Variants in DIAPH2 observed in about 807,000 individuals in gnomAD.
DIAPH2 encodes diaphanous related formin 2.
In DIAPH2, 35 loss-of-function variants were observed where a neutral mutation model predicts 92.7. The observed-to-expected ratio is 0.38, with a 90% CI of 0.29 to 0.50. The LOEUF is 0.50. Among genes scored for constraint, DIAPH2 ranks in the 20% least tolerant of loss-of-function variants. The pLI, the probability that DIAPH2 is intolerant of heterozygous loss-of-function variation, is 0.94. For missense variants in DIAPH2, 701 were observed against 819.5 expected, an observed-to-expected ratio of 0.86 and a Z score of 1.77; for synonymous variants, 301 against 280.4, an observed-to-expected ratio of 1.07 and a Z score of -0.73.
Position 97,012,202 on chromosome X carries a change from C to G in DIAPH2, c.2050+46995C>G, listed in dbSNP as rs139921018. Among the ~76,000 whole-genome samples the G allele has an allele frequency of 1.6e-3, 175 of 111,942 alleles. 1 individual carries two copies. Among genetic ancestry groups the G allele is most frequent in the African/African-American group, 5.5e-3 (169 of 30,771 alleles). On this transcript the variant is annotated intron_variant, in intron 17 of 26. Coordinates refer to ENST00000324765, the MANE Select transcript of DIAPH2 (RefSeq NM_006729.5). ...CTTTATAGGACATACAATCGTAGTGCTGAACAAAATAGTTCCTGAGGTGAA... is the reference window on the plus strand; with the variant it reads ...CTTTATAGGACATACAATCGTAGTGGTGAACAAAATAGTTCCTGAGGTGAA...
chrX:97,362,266 C>T (rs996923386), intron 24 of DIAPH2, among the ~76,000 whole-genome samples: 1 of 109,300 alleles, frequency 9.1e-6, no homozygotes, highest in Non-Finnish European at 1.9e-5. Context: ...AAAAAAAAGA[C>T]TGGCATTGCA....
At chrX:97,494,159 A>G (rs1361902241) in intron 26 of DIAPH2, among the ~76,000 whole-genome samples, 3 of 106,368 alleles carry the variant, frequency 2.8e-5, no homozygotes, top group South Asian at 4.3e-4. Flanking sequence ...ACACACACAC[A>G]CACAGAAAAA....
intron 17 of DIAPH2, among the ~76,000 whole-genome samples, chrX:97,032,466 A>G (rs1001415712): frequency 1.8e-5 from 2 of 110,366 alleles, no homozygotes; most frequent in Admixed American, 9.7e-5. Context: ...TGGAATTTTG[A>G]GTGTTGGTTA....
chrX:97,100,969 G>T (rs1184018384), intron 20 of DIAPH2, among the ~76,000 whole-genome samples: 1 of 111,910 alleles, frequency 8.9e-6, no homozygotes, highest in East Asian at 2.8e-4. Flanking sequence ...ATGTATGTTT[G>T]GGATCAGATA....
At chrX:96,899,076 G>A (rs181726654) in intron 5 of DIAPH2, among the ~76,000 whole-genome samples, 16 of 110,650 alleles carry the variant, frequency 1.4e-4, no homozygotes, top group East Asian at 2.8e-4. Context: ...GTTCTGTTCC[G>A]TTGATCTATA....
In DIAPH2 at chrX:97,570,135, TAGATAG is replaced by T. The variant is rs1325159735; in HGVS notation, c.3242-29116_3242-29111del. Reference sequence around the variant, plus strand: ...ATATATATATATATTAGAAGATAGATAGATAGATAGATAGATAGATAGATAGATATA... The same window carrying T: ...ATATATATATATATTAGAAGATAGATATAGATAGATAGATAGATAGATATA... On this transcript the variant is annotated intron_variant, in intron 26 of 26. Coordinates refer to ENST00000324765, the MANE Select transcript of DIAPH2 (RefSeq NM_006729.5). Among the ~76,000 whole-genome samples the T allele has an allele frequency of 3.8e-4, 27 of 71,865 alleles. 1 individual carries two copies. Among genetic ancestry groups the T allele is most frequent in the Non-Finnish European group, 6.1e-4 (24 of 39,145 alleles). The allele number at this position is 71,865 out of a possible 115,157, so 62.4% of individuals were successfully genotyped here.
intron 17 of DIAPH2, among the ~76,000 whole-genome samples, chrX:97,057,807 G>T (rs1445643430): frequency 9.0e-6 from 1 of 111,644 alleles, no homozygotes; most frequent in Non-Finnish European, 1.9e-5. Flanking sequence ...GACTCAGATA[G>T]ATGGAGTTGT....
intron 23 of DIAPH2, among the ~76,000 whole-genome samples, chrX:97,288,633 T>C (rs1037169382): frequency 1.9e-5 from 2 of 107,285 alleles, no homozygotes; most frequent in Non-Finnish European, 3.8e-5. Context: ...CTCAGCTACT[T>C]GGGAGGCTGA....
intron 3 of DIAPH2, among the ~76,000 whole-genome samples, chrX:96,755,634 C>T (rs1313103543): frequency 3.7e-5 from 4 of 109,524 alleles, no homozygotes. Context: ...GCCTGGGCGA[C>T]AGAGGGAAAC....
rs756805485 is a variant in DIAPH2, at chrX:97,012,006, T to A, written c.2050+46799T>A. On this transcript the variant is annotated intron_variant, in intron 17 of 26. Coordinates refer to ENST00000324765, the MANE Select transcript of DIAPH2 (RefSeq NM_006729.5). Reference sequence around the variant, plus strand: ...CATGTAAGGCACTGTTAGAGAATGATGTTACAAAGTTGAGTAAGATGGTTC... The same window carrying A: ...CATGTAAGGCACTGTTAGAGAATGAAGTTACAAAGTTGAGTAAGATGGTTC... 3.6e-5 allele frequency among the ~76,000 whole-genome samples: 4 copies of A among 109,680 alleles called. No individual in the cohort carries two copies. In the South Asian group the frequency reaches 1.6e-3, roughly 44 times the overall value.
At chrX:96,839,355 A>C (rs186340363) in intron 4 of DIAPH2, among the ~76,000 whole-genome samples, 175 of 111,165 alleles carry the variant, frequency 1.6e-3, no homozygotes, top group South Asian at 9.1e-3. Context: ...TGCATTTTTC[A>C]GTCATAATGT....
intron 23 of DIAPH2, among the ~76,000 whole-genome samples, chrX:97,251,219 C>T (rs760837187): frequency 1.8e-4 from 20 of 111,799 alleles, no homozygotes; most frequent in Middle Eastern, 4.6e-3. Context: ...TTTTATGTGA[C>T]ACAGGAAACT....
At chrX:97,286,323 A>G (rs913871027) in intron 23 of DIAPH2, among the ~76,000 whole-genome samples, 2 of 110,674 alleles carry the variant, frequency 1.8e-5, no homozygotes, top group African/African-American at 6.6e-5. Flanking sequence ...TGCTGGGATT[A>G]CAGGCATGAG....
intron 3 of DIAPH2, among the ~76,000 whole-genome samples, chrX:96,739,991 T>A (rs1054851825): frequency 2.7e-5 from 3 of 112,239 alleles, no homozygotes; most frequent in African/African-American, 9.7e-5. Context: ...CTTCAATACA[T>A]TTTTTGCTCT....
chrX:97,415,111 A>C lies in DIAPH2; in HGVS notation c.3146-14539A>C, dbSNP rs143274735. ...AAAGACACATGAAAAAATGCTCATC[A>C]TCACTGGCCATCAGAGAAATGCAAA... is the stretch of plus-strand genomic sequence containing the variant. On this transcript the variant is annotated intron_variant, in intron 25 of 26. Coordinates refer to ENST00000324765, the MANE Select transcript of DIAPH2 (RefSeq NM_006729.5). 4.9e-4 allele frequency among the ~76,000 whole-genome samples: 55 copies of C among 112,566 alleles called. No homozygotes were observed. The East Asian group carries it at 0.015, about 31-fold the overall frequency.
At chrX:97,221,473 G>A (rs933734171) in intron 22 of DIAPH2, among the ~76,000 whole-genome samples, 9 of 111,521 alleles carry the variant, frequency 8.1e-5, no homozygotes, top group African/African-American at 2.9e-4. Flanking sequence ...TATAAAACAC[G>A]TGTATGTATA....
intron 1 of DIAPH2, among the ~76,000 whole-genome samples, chrX:96,702,700 G>A (rs2063862574): frequency 8.9e-6 from 1 of 111,907 alleles, no homozygotes; most frequent in African/African-American, 3.3e-5. Flanking sequence ...AGACTAGGTG[G>A]CATATGAACA....
intron 4 of DIAPH2, among the ~76,000 whole-genome samples, chrX:96,795,814 A>G (rs1569397302): frequency 8.9e-6 from 1 of 111,969 alleles, no homozygotes; most frequent in Admixed American, 9.5e-5. Flanking sequence ...CATTTAACCC[A>G]TTTTTATCTT....
At chrX:97,341,719 A>T (rs1031910413) in intron 23 of DIAPH2, among the ~76,000 whole-genome samples, 1 of 111,341 alleles carries the variant, frequency 9.0e-6, no homozygotes, top group African/African-American at 3.3e-5. Context: ...GTCCCAGGGC[A>T]AGAGATGATA....
Sources: allele counts gnomAD v4.1 joint callset (sites outside exome capture counted in the v4.1 genomes callset), GRCh38; gene constraint gnomAD v4.1.1; transcripts MANE v1.5; gene names NCBI Gene and HGNC (gene_info 2026-07-23, HGNC 2026-07-21).